NOL10: variants seen among roughly 807,000 people sequenced by gnomAD.
NOL10 encodes H_NH0074G24.1.
In NOL10, 58 loss-of-function variants were observed where a neutral mutation model predicts 103.5. That is an observed-to-expected ratio of 0.56 (90% CI 0.45 to 0.70). The LOEUF is 0.70. NOL10 is among the 30% of genes least tolerant of loss of function. The probability of loss-of-function intolerance (pLI) is 0.00; values close to 1 mark genes in which losing one functional copy is unlikely to be tolerated. For synonymous variants in NOL10, 287 were observed against 282.5 expected, an observed-to-expected ratio of 1.02 and a Z score of -0.16; for missense variants, 763 against 807.3, an observed-to-expected ratio of 0.95 and a Z score of 0.67.
At chr2:10,588,190 T>C (rs1414160514) in intron 19 of NOL10, among the ~76,000 whole-genome samples, 2 of 152,176 alleles carry the variant, frequency 1.3e-5, no homozygotes, top group Non-Finnish European at 1.5e-5. Flanking sequence ...TAAAACTACC[T>C]TTTTTGGGGA....
rs187752097 is a variant in NOL10, at chr2:10,654,841, T to C, written c.907-294A>G. Among the ~76,000 whole-genome samples the C allele has an allele frequency of 1.2e-4, 18 of 152,292 alleles. No homozygotes were observed. The East Asian group carries it at 3.5e-3, about 29-fold the overall frequency. ...TCAACATGGCAAGAAAAGATGAAGT[T>C]TGAATTATGCATCAACTTTAAAAAA... On this transcript the variant is annotated intron_variant, in intron 11 of 20. Coordinates refer to ENST00000381685, the MANE Select transcript of NOL10 (RefSeq NM_024894.4).
intron 17 of NOL10, among the ~76,000 whole-genome samples, chr2:10,590,174 A>T (rs1174788014): frequency 6.6e-6 from 1 of 152,144 alleles, no homozygotes; most frequent in Non-Finnish European, 1.5e-5. Context: ...TGGCACAATC[A>T]CAGCTCACTG....
rs188884697 is a variant in NOL10, at chr2:10,580,640, A to G, written c.1845-2902T>C. ...ATTAGTAAATTTATCTTAAAATAAA[A>G]AGGAAAGTGGGCAGAAACTACTAGG... is the stretch of plus-strand genomic sequence containing the variant. On this transcript the variant is annotated intron_variant, in intron 19 of 20. Coordinates refer to ENST00000381685, the MANE Select transcript of NOL10 (RefSeq NM_024894.4). 4.4e-4 allele frequency among the ~76,000 whole-genome samples: 67 copies of G among 152,334 alleles called. No individual in the cohort carries two copies. The East Asian group carries it at 0.013, about 28-fold the overall frequency.
chr2:10,653,875 G>A (rs1222502531), intron 12 of NOL10, among the ~76,000 whole-genome samples: 1 of 151,996 alleles, frequency 6.6e-6, no homozygotes, highest in Non-Finnish European at 1.5e-5. Flanking sequence ...AATGTGATAG[G>A]AGTTCTCACG....
intron 20 of NOL10, among the ~76,000 whole-genome samples, chr2:10,575,992 G>GT (rs1193370715): frequency 6.6e-6 from 1 of 152,190 alleles, no homozygotes; most frequent in Non-Finnish European, 1.5e-5. Flanking sequence ...GAATAATGAA[G>GT]TTTTTTATTA....
intron 13 of NOL10, among the ~76,000 whole-genome samples, chr2:10,632,315 AG>A (rs1478197061): frequency 2.6e-5 from 4 of 152,244 alleles, no homozygotes; most frequent in Non-Finnish European, 5.9e-5. Flanking sequence ...AAAATATTTT[AG>A]GGCTCACGAG....
At position 10,683,519 on chromosome 2, in the gene NOL10, C is replaced by T. The variant is rs192199608; in HGVS notation, c.112+1048G>A. ...GCAATTAGGGACCTGTTAGGAGAGA[C>T]AGTCCTCCTTGGACCTGCATGCTTA... On this transcript the variant is annotated intron_variant, in intron 2 of 20. Transcript: ENST00000381685. Among the ~76,000 whole-genome samples the T allele has an allele frequency of 1.2e-4, 19 of 152,290 alleles. No individual in the cohort carries two copies. In the East Asian group the frequency reaches 3.5e-3, roughly 28 times the overall value.
At chr2:10,660,278 TATAGTG>T (rs1680112149) in intron 9 of NOL10, among the ~76,000 whole-genome samples, 2 of 152,188 alleles carry the variant, frequency 1.3e-5, no homozygotes, top group South Asian at 4.1e-4. Flanking sequence ...TTTCTTTCAG[TATAGTG>T]ATATACTTCT....
intron 12 of NOL10, among the ~76,000 whole-genome samples, chr2:10,652,628 C>G (rs943886157): frequency 6.6e-6 from 1 of 152,186 alleles, no homozygotes; most frequent in South Asian, 2.1e-4. Context: ...CACTGTCGTT[C>G]TGTCCATTCC....
In NOL10 at chr2:10,589,273, C is replaced by T. The variant is rs758594034; in HGVS notation, c.1614G>A (p.Pro538=). 13 of 1,613,732 alleles carry T rather than the reference C, an allele frequency of 8.1e-6. No individual in the cohort carries two copies. The highest frequency in any genetic ancestry group is 3.3e-5 in the South Asian group (3 of 91,058). Residue 538 remains proline, a synonymous_variant, in exon 19 of 21, where the codon CCG becomes CCA. Coordinates refer to ENST00000381685, the MANE Select transcript of NOL10 (RefSeq NM_024894.4). ...ELREKEEEEE[P]EGKPSDAESS... is the part of the protein sequence containing the mutation. ...TTTCTGCATCACTTGGTTTTCCTTCCGGCTCTTCCTCCTCTTCCTGAGAAT... is the reference window on the plus strand; with the variant it reads ...TTTCTGCATCACTTGGTTTTCCTTCTGGCTCTTCCTCCTCTTCCTGAGAAT...
intron 17 of NOL10, among the ~76,000 whole-genome samples, chr2:10,600,610 G>A (rs1231805520): frequency 3.3e-5 from 5 of 152,066 alleles, no homozygotes; most frequent in Non-Finnish European, 2.9e-5. Context: ...AAACAAATAA[G>A]ACAGGAAGAA....
At chr2:10,619,711 C>T (rs1677021896) in intron 13 of NOL10, among the ~76,000 whole-genome samples, 1 of 152,068 alleles carries the variant, frequency 6.6e-6, no homozygotes, top group Admixed American at 6.5e-5. Context: ...GAACATGGCC[C>T]CAATCTTCTT....
intron 13 of NOL10, among the ~76,000 whole-genome samples, chr2:10,633,723 TA>T (rs1402615656): frequency 6.6e-6 from 1 of 152,064 alleles, no homozygotes; most frequent in Non-Finnish European, 1.5e-5. Context: ...GTAAGCAAAA[TA>T]ATGAGCCACT....
intron 13 of NOL10, among the ~76,000 whole-genome samples, chr2:10,635,700 A>G (rs1678166248): frequency 6.6e-6 from 1 of 152,182 alleles, no homozygotes; most frequent in African/African-American, 2.4e-5. Context: ...AAGGGCGGTG[A>G]GTGTACAATA....
intron 7 of NOL10, among the ~76,000 whole-genome samples, chr2:10,667,963 C>T (rs185112526): frequency 7.6e-4 from 116 of 152,256 alleles, no homozygotes; most frequent in Admixed American, 7.6e-3. Context: ...ATTCAGCAAG[C>T]TCTTCATATA....
At chr2:10,632,630 C>A (rs1433049838) in intron 13 of NOL10, among the ~76,000 whole-genome samples, 1 of 152,048 alleles carries the variant, frequency 6.6e-6, no homozygotes, top group Non-Finnish European at 1.5e-5. Flanking sequence ...GGAAAAGGCC[C>A]CAAATAGTCC....
chr2:10,600,603 CAAAT>C (rs35824010), intron 17 of NOL10, among the ~76,000 whole-genome samples: 89,393 of 151,436 alleles, frequency 0.59, 27,350 homozygotes, highest in African/African-American at 0.74. Flanking sequence ...AATTTTGAAA[CAAAT>C]AAGACAGGAA....
At chr2:10,685,677 T>C (rs1402689281) in intron 1 of NOL10, among the ~76,000 whole-genome samples, 2 of 151,828 alleles carry the variant, frequency 1.3e-5, no homozygotes, top group Admixed American at 6.6e-5. Flanking sequence ...GAGCTGAAAA[T>C]GAAAATTAAC....
At chr2:10,644,678 T>G (rs1678934234) in intron 12 of NOL10, among the ~76,000 whole-genome samples, 1 of 152,196 alleles carries the variant, frequency 6.6e-6, no homozygotes, top group South Asian at 2.1e-4. Flanking sequence ...CAGCCCTGAC[T>G]ACAGCACAGT....
Sources: gnomAD v4.1 joint callset for allele counts (sites outside exome capture counted in the v4.1 genomes callset) on GRCh38, gnomAD v4.1.1 for gene constraint, MANE v1.5 for transcripts, NCBI Gene and HGNC (gene_info 2026-07-23, HGNC 2026-07-21) for gene names.